GPC5: variants seen among roughly 807,000 people sequenced by gnomAD.
The protein encoded by GPC5 is glypican 5, also known as glypican-5.
Under a neutral mutation model 53.9 loss-of-function variants are expected in GPC5, and 47 were observed. That is an observed-to-expected ratio of 0.87 (90% CI 0.69 to 1.11). The LOEUF (loss-of-function observed/expected upper bound fraction) is 1.11. Ranked by LOEUF, GPC5 falls within the 50% of genes most tolerant of loss-of-function variation. The pLI, the probability that GPC5 is intolerant of heterozygous loss-of-function variation, is 0.00. For missense variants in GPC5, 748 were observed against 713.1 expected, an observed-to-expected ratio of 1.05 and a Z score of -0.56; for synonymous variants, 286 against 263.3, an observed-to-expected ratio of 1.09 and a Z score of -0.84.
chr13:91,432,057 G>T (rs1334994910), intron 1 of GPC5, among the ~76,000 whole-genome samples: 1 of 152,134 alleles, frequency 6.6e-6, no homozygotes, highest in Non-Finnish European at 1.5e-5. Flanking sequence ...AATGTGGGTT[G>T]TTGGTTATTG....
At chr13:91,971,868 G>A (rs1457637421) in intron 6 of GPC5, among the ~76,000 whole-genome samples, 1 of 152,056 alleles carries the variant, frequency 6.6e-6, no homozygotes, top group East Asian at 1.9e-4. Flanking sequence ...CATTTGCTGA[G>A]GAGTGCTTTA....
intron 7 of GPC5, among the ~76,000 whole-genome samples, chr13:92,506,655 T>C (rs1880379906): frequency 6.6e-6 from 1 of 152,148 alleles, no homozygotes; most frequent in African/African-American, 2.4e-5. Flanking sequence ...TTCTTTTGTT[T>C]TGTGGTCTTT....
intron 2 of GPC5, among the ~76,000 whole-genome samples, chr13:91,632,394 C>A (rs555168726): frequency 1.3e-5 from 2 of 152,048 alleles, no homozygotes; most frequent in African/African-American, 4.8e-5. Context: ...ATCCAGGTAA[C>A]AGTGATAGTT....
At chr13:92,625,226 A>T (rs1594359359) in intron 7 of GPC5, among the ~76,000 whole-genome samples, 1 of 152,306 alleles carries the variant, frequency 6.6e-6, no homozygotes, top group East Asian at 1.9e-4. Context: ...CATTGATAGG[A>T]ATTCACATAT....
rs1208530265 is a variant in GPC5 at position 92,110,584 on chromosome 13, T to A, written c.1402-34246T>A. ...AACATTCAGAATTTAAAGAGGAAAA[T>A]TGGTACTTGCCATTTAGTAGTTTGT... On this transcript the variant is annotated intron_variant, in intron 6 of 7. Transcript: ENST00000377067. Among the ~76,000 whole-genome samples, 3 of 151,694 alleles carry A rather than the reference T, an allele frequency of 2.0e-5. No homozygotes were observed. In the East Asian group the frequency reaches 5.8e-4, roughly 29 times the overall value.
chr13:91,957,741 A>C (rs1161647406), intron 6 of GPC5, among the ~76,000 whole-genome samples: 1 of 152,066 alleles, frequency 6.6e-6, no homozygotes, highest in African/African-American at 2.4e-5. Flanking sequence ...CAGACATACA[A>C]AAGCTGAGTG....
At chr13:91,719,651 A>G (rs1353579364) in intron 3 of GPC5, among the ~76,000 whole-genome samples, 1 of 152,240 alleles carries the variant, frequency 6.6e-6, no homozygotes, top group East Asian at 1.9e-4. Flanking sequence ...TAATTGAAAA[A>G]GAAGAATATA....
chr13:92,153,118 C>G (rs566075054), intron 7 of GPC5, among the ~76,000 whole-genome samples: 1 of 152,064 alleles, frequency 6.6e-6, no homozygotes, highest in African/African-American at 2.4e-5. Flanking sequence ...TATAGGTGTA[C>G]TCATTTAATT....
At chr13:92,012,988 G>T (rs1283189725) in intron 6 of GPC5, among the ~76,000 whole-genome samples, 1 of 152,168 alleles carries the variant, frequency 6.6e-6, no homozygotes, top group Non-Finnish European at 1.5e-5. Flanking sequence ...CCCAGACCAG[G>T]TTGTGGGGGC....
At chr13:92,585,687 G>A (rs561066024) in intron 7 of GPC5, among the ~76,000 whole-genome samples, 20 of 152,150 alleles carry the variant, frequency 1.3e-4, no homozygotes, top group Non-Finnish European at 2.6e-4. Flanking sequence ...GTTTGGCTGT[G>A]TCCCCATCCA....
intron 7 of GPC5, among the ~76,000 whole-genome samples, chr13:92,341,920 G>A (rs2043370118): frequency 6.6e-6 from 1 of 152,122 alleles, no homozygotes; most frequent in Non-Finnish European, 1.5e-5. Context: ...TATGAAACGG[G>A]AAATTGGAGC....
chr13:92,716,920 C>T lies in GPC5; in HGVS notation c.1562-149362C>T, dbSNP rs1888349489. Among the ~76,000 whole-genome samples the T allele has an allele frequency of 3.3e-5, 5 of 152,174 alleles. No individual in the cohort carries two copies. In the South Asian group the frequency reaches 1.0e-3, roughly 32 times the overall value. On this transcript the variant is annotated intron_variant, in intron 7 of 7. Coordinates refer to ENST00000377067, the MANE Select transcript of GPC5 (RefSeq NM_004466.6). ...ATTTTATTTATTCCTCATGACAGCCCTACAGAGGGCAGCATAGATAACATT... is the reference window on the plus strand; with the variant it reads ...ATTTTATTTATTCCTCATGACAGCCTTACAGAGGGCAGCATAGATAACATT...
At chr13:92,167,502 A>G (rs1382163204) in intron 7 of GPC5, among the ~76,000 whole-genome samples, 3 of 152,188 alleles carry the variant, frequency 2.0e-5, no homozygotes, top group Non-Finnish European at 2.9e-5. Flanking sequence ...AATAGAACAG[A>G]AGTAACAATG....
chr13:91,419,746 T>G (rs866746056), intron 1 of GPC5, among the ~76,000 whole-genome samples: 3 of 152,122 alleles, frequency 2.0e-5, no homozygotes, highest in Admixed American at 6.6e-5. Context: ...AATTGAGATA[T>G]GTTGTTAGAA....
intron 7 of GPC5, among the ~76,000 whole-genome samples, chr13:92,796,898 TA>T (rs761227532): frequency 3.5e-4 from 54 of 152,126 alleles, no homozygotes; most frequent in South Asian, 6.2e-4. Context: ...TAAAGGCTGT[TA>T]TATTTTTAAA....
At chr13:92,320,879 A>G (rs34453614) in intron 7 of GPC5, among the ~76,000 whole-genome samples, 1,539 of 152,320 alleles carry the variant, frequency 0.01, 27 homozygotes, top group Middle Eastern at 0.048. Flanking sequence ...TTTAAAAATC[A>G]ATAATGATCT....
At chr13:91,865,323 C>G (rs1050438355) in intron 5 of GPC5, among the ~76,000 whole-genome samples, 5 of 151,932 alleles carry the variant, frequency 3.3e-5, no homozygotes, top group Admixed American at 3.3e-4. Context: ...CTGTTTTCCA[C>G]TTTCTCTTAA....
chr13:92,777,442 GGCC>G (rs1472946424), intron 7 of GPC5, among the ~76,000 whole-genome samples: 3 of 151,796 alleles, frequency 2.0e-5, no homozygotes, highest in African/African-American at 7.3e-5. Context: ...AGACTAGCCT[GGCC>G]ATCATGGTAA....
At chr13:92,378,541 A>G (rs2043713193) in intron 7 of GPC5, among the ~76,000 whole-genome samples, 2 of 152,218 alleles carry the variant, frequency 1.3e-5, no homozygotes, top group Non-Finnish European at 2.9e-5. Flanking sequence ...TTAATAATGT[A>G]ATCAGAATAG....
Sources: allele counts gnomAD v4.1 joint callset (sites outside exome capture counted in the v4.1 genomes callset), GRCh38; gene constraint gnomAD v4.1.1; transcripts MANE v1.5; gene names NCBI Gene and HGNC (gene_info 2026-07-23, HGNC 2026-07-21).